Variants in SLC35F4 observed in about 807,000 individuals in gnomAD.
The protein encoded by SLC35F4 is solute carrier family 35 member F4, also known as chromosome 14 open reading frame 36.
SLC35F4 carries 24 observed loss-of-function variants against 44.2 expected under a neutral mutation model. The observed-to-expected ratio is 0.54, with a 90% CI of 0.39 to 0.76. The LOEUF (loss-of-function observed/expected upper bound fraction) is 0.76. SLC35F4 is among the 30% of genes least tolerant of loss of function. The pLI is 0.00. For synonymous variants in SLC35F4, 238 were observed against 223.6 expected (o/e 1.06, Z -0.57); for missense variants, 562 against 586.1 (o/e 0.96, Z 0.42).
intron 1 of SLC35F4, among the ~76,000 whole-genome samples, chr14:57,638,500 G>A (rs151151469): frequency 2.3e-3 from 354 of 152,182 alleles, no homozygotes; most frequent in African/African-American, 8.0e-3. Context: ...CCAATCCACT[G>A]AGCATAAATC....
At chr14:57,810,348 C>T (rs1032228715) in intron 1 of SLC35F4, among the ~76,000 whole-genome samples, 2 of 152,234 alleles carry the variant, frequency 1.3e-5, no homozygotes, top group African/African-American at 2.4e-5. Context: ...TAAGATAGTA[C>T]TGTCCTTTCT....
chr14:57,706,457 A>G lies in SLC35F4; in HGVS notation c.104-112333T>C, dbSNP rs148541385. Among the ~76,000 whole-genome samples the G allele has an allele frequency of 5.7e-3, 867 of 152,348 alleles. 5 individuals carry two copies. The highest frequency in any genetic ancestry group is 0.02 in the African/African-American group (825 of 41,578). On this transcript the variant is annotated intron_variant, in intron 1 of 7. Coordinates refer to ENST00000556826, the MANE Select transcript of SLC35F4 (RefSeq NM_001306087.2). ...TGTTGCAGGCCTGTGTCAAGCACAG[A>G]GGATACAGCAGTAAACAACACAGAA...
chr14:57,892,291 T>C (rs1888785843), intron 1 of SLC35F4, among the ~76,000 whole-genome samples: 2 of 152,200 alleles, frequency 1.3e-5, no homozygotes, highest in South Asian at 4.1e-4. Flanking sequence ...CTTCTGATCT[T>C]GTGAAGAACA....
chr14:57,624,921 T>A (rs2072395796), intron 1 of SLC35F4, among the ~76,000 whole-genome samples: 1 of 152,088 alleles, frequency 6.6e-6, no homozygotes, highest in Admixed American at 6.5e-5. Flanking sequence ...CTCTCACCAC[T>A]CCTATTCAAC....
At chr14:57,807,290 T>A (rs1343432203) in intron 1 of SLC35F4, among the ~76,000 whole-genome samples, 1 of 149,396 alleles carries the variant, frequency 6.7e-6, no homozygotes, top group Non-Finnish European at 1.5e-5. Flanking sequence ...ACCCTCCTCC[T>A]GGAGGGGAAT....
intron 1 of SLC35F4, among the ~76,000 whole-genome samples, chr14:57,943,868 C>T (rs1889960255): frequency 6.6e-6 from 1 of 152,198 alleles, no homozygotes; most frequent in Admixed American, 6.5e-5. Context: ...CTTGGACTTC[C>T]TTCCCTGCTG....
At chr14:57,655,145 G>C (rs556806550) in intron 1 of SLC35F4, among the ~76,000 whole-genome samples, 3 of 152,120 alleles carry the variant, frequency 2.0e-5, no homozygotes, top group South Asian at 2.1e-4. Flanking sequence ...TTAGAACTGA[G>C]AGCCATCTCA....
chr14:57,912,624 G>T (rs1800643052), intron 1 of SLC35F4, among the ~76,000 whole-genome samples: 1 of 151,906 alleles, frequency 6.6e-6, no homozygotes, highest in Non-Finnish European at 1.5e-5. Context: ...ATTATTGTCT[G>T]ACAATAGACA....
chr14:57,689,693 C>A (rs1428060403), intron 1 of SLC35F4, among the ~76,000 whole-genome samples: 2 of 144,614 alleles, frequency 1.4e-5, no homozygotes, highest in Non-Finnish European at 3.0e-5. Context: ...ACAATGAGAA[C>A]ACTTGGACAC....
At chr14:57,647,263 CTT>C (rs1246899255) in intron 1 of SLC35F4, among the ~76,000 whole-genome samples, 1 of 151,782 alleles carries the variant, frequency 6.6e-6, no homozygotes, top group Non-Finnish European at 1.5e-5. Context: ...GTCTAAGTCT[CTT>C]TGTAGGTCAC....
At chr14:57,767,451 A>G (rs2077261985) in intron 1 of SLC35F4, among the ~76,000 whole-genome samples, 1 of 152,304 alleles carries the variant, frequency 6.6e-6, no homozygotes, top group South Asian at 2.1e-4. Flanking sequence ...CTTTTACATT[A>G]TGGATCAGAG....
At chr14:57,769,460 G>A (rs2077309556) in intron 1 of SLC35F4, among the ~76,000 whole-genome samples, 1 of 152,152 alleles carries the variant, frequency 6.6e-6, no homozygotes, top group South Asian at 2.1e-4. Context: ...ATCTGTGCAG[G>A]TGCAATCAGC....
chr14:57,915,342 T>A (rs1057061258), intron 1 of SLC35F4, among the ~76,000 whole-genome samples: 1 of 152,174 alleles, frequency 6.6e-6, no homozygotes, highest in Admixed American at 6.5e-5. Context: ...GGCTACCTTC[T>A]ATCTATGGTA....
chr14:57,784,698 T>C (rs1302000230), intron 1 of SLC35F4, among the ~76,000 whole-genome samples: 2 of 152,128 alleles, frequency 1.3e-5, no homozygotes, highest in East Asian at 1.9e-4. Context: ...ACAAGAAACA[T>C]TTTTAGGGAA....
intron 5 of SLC35F4, among the ~76,000 whole-genome samples, chr14:57,571,128 G>A (rs562250522): frequency 6.6e-6 from 1 of 152,270 alleles, no homozygotes; most frequent in South Asian, 2.1e-4. Context: ...TTTTCTCATT[G>A]AAACACCAAG....
chr14:57,784,016 A>G (rs1475152029), intron 1 of SLC35F4, among the ~76,000 whole-genome samples: 1 of 152,230 alleles, frequency 6.6e-6, no homozygotes, highest in African/African-American at 2.4e-5. Flanking sequence ...AAACTGTCTG[A>G]TGTTTTGTAT....
intron 1 of SLC35F4, among the ~76,000 whole-genome samples, chr14:57,718,106 A>G (rs1279939183): frequency 6.6e-6 from 1 of 152,164 alleles, no homozygotes; most frequent in Non-Finnish European, 1.5e-5. Context: ...GATTACACAA[A>G]TAAGTGAGAA....
intron 1 of SLC35F4, among the ~76,000 whole-genome samples, chr14:57,754,634 T>C (rs1298419936): frequency 6.6e-6 from 1 of 152,242 alleles, no homozygotes; most frequent in Non-Finnish European, 1.5e-5. Context: ...TAATAAGTTC[T>C]GAGAAAAGGG....
At chr14:57,584,285 GAAAATTATTTTGATAT>G (rs2069526116) in intron 3 of SLC35F4, among the ~76,000 whole-genome samples, 1 of 152,004 alleles carries the variant, frequency 6.6e-6, no homozygotes, top group African/African-American at 2.4e-5. Flanking sequence ...ATACTTCATT[GAAAATTATTTTGATAT>G]TACTGATAAA....
Sources: allele counts gnomAD v4.1 joint callset (sites outside exome capture counted in the v4.1 genomes callset), GRCh38; gene constraint gnomAD v4.1.1; transcripts MANE v1.5; gene names NCBI Gene and HGNC (gene_info 2026-07-23, HGNC 2026-07-21).